The following PEX5L variants were observed in gnomAD, a reference collection of about 807,000 sequenced individuals.
PEX5L encodes peroxisomal biogenesis factor 5 like.
Under a neutral mutation model 84.0 loss-of-function variants are expected in PEX5L, and 30 were observed. The ratio of observed to expected loss-of-function variants is 0.36; its 90% confidence interval spans 0.27 to 0.48. PEX5L has a LOEUF of 0.48. Ranked by LOEUF, PEX5L falls within the 20% of genes least tolerant of loss-of-function variation. The probability of loss-of-function intolerance (pLI) is 0.99; values close to 1 mark genes in which losing one functional copy is unlikely to be tolerated. For synonymous variants in PEX5L, 270 were observed against 283.1 expected (o/e 0.95, Z 0.46); for missense variants, 533 against 754.6 (o/e 0.71, Z 3.44).
chr3:179,981,032 A>T (rs1474192403), intron 1 of PEX5L, among the ~76,000 whole-genome samples: 1 of 152,098 alleles, frequency 6.6e-6, no homozygotes, highest in Non-Finnish European at 1.5e-5. Context: ...TCAAAAAAAA[A>T]AAAAAAAATT....
chr3:179,910,711 TG>T (rs1764870276), intron 2 of PEX5L, among the ~76,000 whole-genome samples: 1 of 152,190 alleles, frequency 6.6e-6, no homozygotes, highest in Admixed American at 6.5e-5. Context: ...ATGATATCCA[TG>T]GGGGACTTTA....
intron 1 of PEX5L, among the ~76,000 whole-genome samples, chr3:180,018,043 A>C (rs1381741516): frequency 6.6e-6 from 1 of 152,196 alleles, no homozygotes; most frequent in Non-Finnish European, 1.5e-5. Context: ...GAGTATAGCC[A>C]AAAGGCAAAG....
At chr3:179,942,150 T>C (rs1042631702) in intron 2 of PEX5L, among the ~76,000 whole-genome samples, 7 of 152,190 alleles carry the variant, frequency 4.6e-5, no homozygotes, top group Admixed American at 2.0e-4. Flanking sequence ...TTGCCGTCTG[T>C]ATGTACTTCT....
intron 2 of PEX5L, among the ~76,000 whole-genome samples, chr3:179,968,680 C>T (rs1318038187): frequency 6.8e-6 from 1 of 147,096 alleles, no homozygotes; most frequent in Non-Finnish European, 1.5e-5. Flanking sequence ...CAGTGTGATA[C>T]ATTTCTATTT....
At chr3:180,026,543 A>G (rs1790974605) in intron 1 of PEX5L, among the ~76,000 whole-genome samples, 1 of 152,150 alleles carries the variant, frequency 6.6e-6, no homozygotes, top group Non-Finnish European at 1.5e-5. Flanking sequence ...TAATTACTAA[A>G]CTCTTTATAT....
intron 1 of PEX5L, among the ~76,000 whole-genome samples, chr3:179,985,830 A>T (rs1786761485): frequency 6.6e-6 from 1 of 151,990 alleles, no homozygotes; most frequent in African/African-American, 2.4e-5. Context: ...TTGGGTGCGC[A>T]CGAGGAAACT....
chr3:179,802,532 C>CAAAAAAAAAAAAAA (rs369244711), intron 14 of PEX5L, among the ~76,000 whole-genome samples: 9 of 73,866 alleles, frequency 1.2e-4, no homozygotes, highest in Admixed American at 1.6e-4. Flanking sequence ...GAGACTGTCT[C>CAAAAAAAAAAAAAA]AAAAAAAAAA....
chr3:179,861,789 T>G (rs1427836832), intron 7 of PEX5L, among the ~76,000 whole-genome samples: 2 of 151,644 alleles, frequency 1.3e-5, no homozygotes, highest in Non-Finnish European at 2.9e-5. Flanking sequence ...TTTCTTGTAC[T>G]CCAGGATTGT....
chr3:179,873,917 C>T (rs1041644198), intron 7 of PEX5L, among the ~76,000 whole-genome samples: 4 of 151,944 alleles, frequency 2.6e-5, no homozygotes, highest in African/African-American at 9.7e-5. Flanking sequence ...AGTCAGGGTA[C>T]CAATGTGTAG....
intron 2 of PEX5L, among the ~76,000 whole-genome samples, chr3:179,910,474 T>C (rs1364805181): frequency 2.0e-5 from 3 of 152,234 alleles, no homozygotes; most frequent in East Asian, 1.9e-4. Flanking sequence ...TATTAGTTAA[T>C]ATAGACATTA....
At chr3:179,843,480 G>C (rs1229472939) in intron 8 of PEX5L, among the ~76,000 whole-genome samples, 1 of 152,242 alleles carries the variant, frequency 6.6e-6, no homozygotes, top group Non-Finnish European at 1.5e-5. Context: ...TTCTAAGACT[G>C]CTGGGGCAGC....
intron 8 of PEX5L, among the ~76,000 whole-genome samples, chr3:179,851,760 G>A (rs9823402): frequency 0.7 from 107,025 of 151,992 alleles, 38,436 homozygotes; most frequent in African/African-American, 0.84. Flanking sequence ...AAAGTCCCCA[G>A]CCAGATCCTT....
chr3:180,031,309 TTTGGTATCCCTA>T (rs1791442383), intron 1 of PEX5L, among the ~76,000 whole-genome samples: 1 of 152,226 alleles, frequency 6.6e-6, no homozygotes, highest in Admixed American at 6.5e-5. Context: ...GAAAGTCTCA[TTTGGTATCCCTA>T]CTAAAGGGGA....
Position 179,797,588 on chromosome 3 carries a change from TTAAAAAA to T in PEX5L, c.*4233_*4239del, listed in dbSNP as rs1272437906. 317 of 51,846 alleles carry T rather than the reference TTAAAAAA, an allele frequency of 6.1e-3. 2 individuals carry two copies. Among genetic ancestry groups the T allele is most frequent in the African/African-American group, 0.021 (308 of 14,752 alleles). 3.2% of individuals were successfully genotyped at this position (51,846 alleles called of 1,614,324 possible). On this transcript the variant is annotated 3_prime_UTR_variant, in exon 15 of 15. Coordinates refer to ENST00000467460, the MANE Select transcript of PEX5L (RefSeq NM_016559.3). ...GCCAGAGTTTATCTATGAACACTCT[TTAAAAAA>T]AAAAAAAAAAATATATATATATATA...
intron 2 of PEX5L, among the ~76,000 whole-genome samples, chr3:179,958,760 CTTT>C (rs990507416): frequency 6.6e-6 from 1 of 152,086 alleles, no homozygotes; most frequent in African/African-American, 2.4e-5. Context: ...TGTCTTTATT[CTTT>C]TTTGTAGGCC....
chr3:179,803,961 T>C (rs1720131908), intron 14 of PEX5L: 1 of 152,152 alleles, frequency 6.6e-6, no homozygotes, highest in Non-Finnish European at 1.5e-5. Flanking sequence ...CCTACTTGAG[T>C]AGACCTTTTT....
At chr3:180,000,309 T>C (rs1245364866) in intron 1 of PEX5L, among the ~76,000 whole-genome samples, 1 of 152,112 alleles carries the variant, frequency 6.6e-6, no homozygotes, top group Non-Finnish European at 1.5e-5. Context: ...CAAGATGAAA[T>C]CAGTCTACTA....
intron 10 of PEX5L, 145 bp from the exon 11 acceptor site, chr3:179,812,016 T>A (rs1030856602): frequency 6.9e-5 from 45 of 650,062 alleles, no homozygotes; most frequent in South Asian, 9.1e-5. Flanking sequence ...AAATATTGTA[T>A]GCATTTCTTC....
At chr3:179,896,352 A>G (rs2108960558) in intron 3 of PEX5L, among the ~76,000 whole-genome samples, 1 of 152,270 alleles carries the variant, frequency 6.6e-6, no homozygotes, top group African/African-American at 2.4e-5. Flanking sequence ...GATGCATCAG[A>G]TAAAGCATTC....
Sources: gnomAD v4.1 joint callset for allele counts (sites outside exome capture counted in the v4.1 genomes callset) on GRCh38, gnomAD v4.1.1 for gene constraint, MANE v1.5 for transcripts, NCBI Gene and HGNC (gene_info 2026-07-23, HGNC 2026-07-21) for gene names.